The following GANC variants were observed in gnomAD, a reference collection of about 807,000 sequenced individuals.
GANC encodes the protein glucosidase alpha, neutral C.
Under a neutral mutation model 124.2 loss-of-function variants are expected in GANC, and 117 were observed. The observed-to-expected ratio is 0.94, with a 90% CI of 0.81 to 1.10. GANC has a LOEUF of 1.10. GANC is among the 50% of genes least tolerant of loss of function. The pLI is 0.00. For synonymous variants in GANC, 377 were observed against 376.8 expected (o/e 1.00, Z -0.01); for missense variants, 1,140 against 1,095.0 (o/e 1.04, Z -0.58).
At chr15:42,316,865 C>T (rs1013121267) in intron 10 of GANC, among the ~76,000 whole-genome samples, 1 of 152,236 alleles carries the variant, frequency 6.6e-6, no homozygotes, top group Non-Finnish European at 1.5e-5. Context: ...AGAGGGCTCA[C>T]CTCTTGCCTT....
chr15:42,316,478 C>T (rs940061418), intron 10 of GANC, among the ~76,000 whole-genome samples: 2 of 152,078 alleles, frequency 1.3e-5, no homozygotes, highest in East Asian at 1.9e-4. Flanking sequence ...TTTAGGCAGC[C>T]AAAGCAGAGA....
intron 3 of GANC, among the ~76,000 whole-genome samples, chr15:42,280,332 C>T (rs1566948454): frequency 6.6e-6 from 1 of 152,080 alleles, no homozygotes; most frequent in East Asian, 1.9e-4. Context: ...TTCAGGTCTC[C>T]CTTTATATTC....
intron 3 of GANC, chr15:42,283,723 T>A (rs2141019117): frequency 1.4e-6 from 1 of 702,556 alleles, no homozygotes; most frequent in South Asian, 1.5e-5. Context: ...CTAAGCCTAA[T>A]GAAAATGAAG....
chr15:42,284,073 C>G, intron 3 of GANC: 2 of 686,136 alleles, frequency 2.9e-6, no homozygotes, highest in Admixed American at 2.0e-5. Context: ...ACTCACTGTT[C>G]TATGTCTTTT....
chr15:42,326,308 T>G lies in GANC; in HGVS notation c.1304T>G (p.Ile435Ser). The change falls in exon 12 of 24, where the codon ATC becomes AGC. Residue 435 changes from isoleucine (I) to serine (S), a missense_variant. Coordinates refer to ENST00000318010, the MANE Select transcript of GANC (RefSeq NM_198141.3). ...TTCATGTCCTGACAGCTTGTGGTCA[T>G]CAGTGATCCCCACATCAAGATTGAT... ...LRSKKRKLVVISDPHIKIDPD... is the reference protein window; with the variant it reads ...LRSKKRKLVVSSDPHIKIDPD... The G allele has an allele frequency of 2.5e-6, 4 of 1,612,742 alleles. No individual in the cohort carries two copies. The highest frequency in any genetic ancestry group is 3.4e-6 in the Non-Finnish European group (4 of 1,178,718).
chr15:42,322,154 T>C (rs1332876145), intron 11 of GANC, 134 bp downstream of exon 11: 3 of 710,982 alleles, frequency 4.2e-6, no homozygotes, highest in Non-Finnish European at 7.0e-6. Context: ...CAAATATAAT[T>C]GTCACTGTGA....
intron 15 of GANC, among the ~76,000 whole-genome samples, chr15:42,331,478 C>G (rs2052245359): frequency 6.6e-6 from 1 of 152,200 alleles, no homozygotes; most frequent in African/African-American, 2.4e-5. Flanking sequence ...AACCCTGTGG[C>G]AGGAAGGCTA....
intron 3 of GANC, among the ~76,000 whole-genome samples, chr15:42,279,984 ACCTT>A (rs2051715809): frequency 2.6e-5 from 4 of 152,182 alleles, no homozygotes; most frequent in Admixed American, 2.0e-4. Context: ...AAGGAAAACT[ACCTT>A]CATTATGGAG....
chr15:42,283,919 A>G (rs183431479), intron 3 of GANC: 5 of 702,642 alleles, frequency 7.1e-6, no homozygotes, highest in African/African-American at 3.5e-5. Context: ...GGTTGCCAGT[A>G]TTCTTTGTAG....
chr15:42,309,430 C>A (rs930148457), intron 8 of GANC, among the ~76,000 whole-genome samples: 3 of 151,938 alleles, frequency 2.0e-5, no homozygotes, highest in African/African-American at 4.8e-5. Flanking sequence ...AGCGATTCTC[C>A]TGCCTCAGCC....
chr15:42,291,182 G>A (rs2051837511), intron 4 of GANC, among the ~76,000 whole-genome samples: 1 of 151,938 alleles, frequency 6.6e-6, no homozygotes, highest in South Asian at 2.1e-4. Context: ...AAATATGAAT[G>A]GAAATGGTTT....
intron 22 of GANC, 134 bp from the exon 23 acceptor site, chr15:42,351,195 T>C (rs773392124): frequency 3.5e-5 from 22 of 623,346 alleles, no homozygotes; most frequent in Non-Finnish European, 6.3e-5. Context: ...TTCATCCTAG[T>C]AAATATGACT....
At chr15:42,311,489 A>C (rs914516378) in intron 10 of GANC, among the ~76,000 whole-genome samples, 3 of 152,224 alleles carry the variant, frequency 2.0e-5, no homozygotes, top group Non-Finnish European at 2.9e-5. Flanking sequence ...ACTGCTAAGA[A>C]GAAATACCTG....
intron 11 of GANC, among the ~76,000 whole-genome samples, chr15:42,324,706 A>AT (rs2052184836): frequency 6.6e-6 from 1 of 152,196 alleles, no homozygotes; most frequent in Non-Finnish European, 1.5e-5. Flanking sequence ...AAAAAGACAA[A>AT]TACCGTGTGA....
At chr15:42,291,401 C>T (rs1342570227) in intron 4 of GANC, among the ~76,000 whole-genome samples, 1 of 152,116 alleles carries the variant, frequency 6.6e-6, no homozygotes, top group Non-Finnish European at 1.5e-5. Context: ...AATTCCTTGG[C>T]ATGGTGTAGA....
intron 17 of GANC, 22 bp downstream of exon 17, chr15:42,339,934 A>G (rs759787323): frequency 1.9e-6 from 3 of 1,603,556 alleles, no homozygotes; most frequent in Non-Finnish European, 2.6e-6. Flanking sequence ...TCATCCATTC[A>G]GGGACCCCAG....
At chr15:42,310,570 C>T (rs2052040990) in intron 9 of GANC, 107 bp downstream of exon 9, 2 of 1,464,364 alleles carry the variant, frequency 1.4e-6, no homozygotes, top group East Asian at 2.4e-5. Context: ...CCAACAAAAG[C>T]TTTACAGTGT....
At position 42,278,484 on chromosome 15, in the gene GANC, G is replaced by A. The variant is rs753728748; in HGVS notation, c.95G>A (p.Arg32His). 35 of 1,604,016 alleles carry A rather than the reference G, an allele frequency of 2.2e-5. No individual in the cohort carries two copies. Among genetic ancestry groups the A allele is most frequent in the Admixed American group, 3.4e-5 (2 of 59,216 alleles). ...ATCTGCATACTCCGTATCTATAGGC[G>A]TCAGAAACAGTGGCTTTCCAAGAAG... ...RDCNKIAFYR[R>H]QKQWLSKKST... The change falls in exon 3 of 24, where the codon CGT (arginine) becomes CAT (histidine). Residue 32 changes from arginine (R) to histidine (H), a missense_variant and splice_region_variant. Arg to His is a conservative substitution (Grantham distance 29). Coordinates refer to ENST00000318010, the MANE Select transcript of GANC (RefSeq NM_198141.3).
At chr15:42,325,304 ATGTT>A (rs1286098345) in intron 11 of GANC, among the ~76,000 whole-genome samples, 1 of 152,050 alleles carries the variant, frequency 6.6e-6, no homozygotes, top group African/African-American at 2.4e-5. Context: ...ATTTAAGAAA[ATGTT>A]TGAGCAATGA....
Sources: allele counts gnomAD v4.1 joint callset (sites outside exome capture counted in the v4.1 genomes callset), GRCh38; gene constraint gnomAD v4.1.1; transcripts MANE v1.5; gene names NCBI Gene and HGNC (gene_info 2026-07-23, HGNC 2026-07-21).